Variants in MAU2 observed in about 807,000 individuals in gnomAD.
MAU2 encodes MAU2 sister chromatid cohesion factor.
In MAU2, 9 loss-of-function variants were observed where a neutral mutation model predicts 89.1. The ratio of observed to expected loss-of-function variants is 0.10; its 90% CI spans 0.06 to 0.18. MAU2 has a LOEUF of 0.18. Ranked by LOEUF, MAU2 falls within the 10% of genes least tolerant of loss-of-function variation. The probability of loss-of-function intolerance (pLI) is 1.00; values close to 1 mark genes in which losing one functional copy is unlikely to be tolerated. For missense variants in MAU2, 425 were observed against 803.5 expected (o/e 0.53, Z 5.69); for synonymous variants, 357 against 343.4 (o/e 1.04, Z -0.44).
chr19:19,338,572 C>G (rs1248976131), intron 4 of MAU2, among the ~76,000 whole-genome samples: 1 of 152,232 alleles, frequency 6.6e-6, no homozygotes, highest in Admixed American at 6.5e-5. Context: ...TGCCGTGAGC[C>G]TTGGCTGCTG....
Position 19,357,650 on chromosome 19 carries a change from A to C in MAU2, c.*1868A>C, listed in dbSNP as rs895101520. The C allele has an allele frequency of 1.3e-5, 2 of 152,308 alleles. No individual in the cohort carries two copies. The highest frequency in any genetic ancestry group is 4.8e-5 in the African/African-American group (2 of 41,368). 9.4% of individuals were successfully genotyped at this position (152,308 alleles called of 1,614,324 possible). A position where few individuals can be genotyped will look rare whatever the true frequency, so the allele number is the denominator to read the frequency against. ...GTTGAAAACAGAACCTCAGAACTTA[A>C]CATCTGTCCTGATGTTAAAGTGCTT... On this transcript the variant is annotated 3_prime_UTR_variant, in exon 19 of 19. Transcript: ENST00000262815.
rs2048199930 is a variant in MAU2 at position 19,358,100 on chromosome 19, TGGAA to T, written c.*2321_*2324del. The T allele has an allele frequency of 6.9e-6, 1 of 145,246 alleles. No homozygotes were observed. Among genetic ancestry groups the T allele is most frequent in the Admixed American group, 6.9e-5 (1 of 14,566 alleles). 9.0% of individuals were successfully genotyped at this position (145,246 alleles called of 1,614,324 possible). ...GTCTCAAAAAAAAAAAAAAAAACAATGGAAGGCAGACAGCAAGTCCCTGAGGACA... is the reference window on the plus strand; with the variant it reads ...GTCTCAAAAAAAAAAAAAAAAACAATGGCAGACAGCAAGTCCCTGAGGACA... On this transcript the variant is annotated 3_prime_UTR_variant, in exon 19 of 19. Coordinates refer to ENST00000262815, the MANE Select transcript of MAU2 (RefSeq NM_015329.4).
At chr19:19,334,087 A>G (rs2061577521) in intron 1 of MAU2, 1 of 828,612 alleles carries the variant, frequency 1.2e-6, no homozygotes, top group African/African-American at 1.8e-5. Flanking sequence ...CCGGCTTCTC[A>G]GTGGGATGCA....
At chr19:19,332,731 G>T (rs2061566010) in intron 1 of MAU2, among the ~76,000 whole-genome samples, 1 of 152,196 alleles carries the variant, frequency 6.6e-6, no homozygotes, top group African/African-American at 2.4e-5. Flanking sequence ...TGGACGGACG[G>T]AGCTGGCAGA....
rs938214211 is a variant in MAU2 at position 19,357,129 on chromosome 19, G to C, written c.*1347G>C. The C allele has an allele frequency of 2.6e-5, 4 of 152,318 alleles. No homozygotes were observed. Among genetic ancestry groups the C allele is most frequent in the Non-Finnish European group, 5.9e-5 (4 of 68,152 alleles). 9.4% of individuals were successfully genotyped at this position (152,318 alleles called of 1,614,324 possible). On this transcript the variant is annotated 3_prime_UTR_variant, in exon 19 of 19. Transcript: ENST00000262815. ...GCTGGATTGCTCAGGTCAGCTGCTT[G>C]GGGCTCCCAGGCTGGGTGTGCCTTA...
At chr19:19,347,163 A>C in intron 12 of MAU2, 117 bp from the exon 13 acceptor site, 1 of 692,940 alleles carries the variant, frequency 1.4e-6, no homozygotes, top group Non-Finnish European at 2.6e-6. Flanking sequence ...TGTGTTTGAA[A>C]TGAAAAGAAC....
At chr19:19,355,498 T>G in intron 18 of MAU2, 107 bp downstream of exon 18, 2 of 1,504,274 alleles carry the variant, frequency 1.3e-6, no homozygotes, top group Non-Finnish European at 1.8e-6. Context: ...AAACCCTAAC[T>G]CAGCCTCAGG....
chr19:19,352,941 G>A lies in MAU2; in HGVS notation c.1549-1414G>A, dbSNP rs548311946. The A allele has an allele frequency of 4.4e-3, 669 of 152,534 alleles. 1 individual carries two copies. The highest frequency in any genetic ancestry group is 6.8e-3 in the Middle Eastern group (2 of 294). 9.4% of individuals were successfully genotyped at this position (152,534 alleles called of 1,614,324 possible). On this transcript the variant is annotated intron_variant, in intron 16 of 18. Coordinates refer to ENST00000262815, the MANE Select transcript of MAU2 (RefSeq NM_015329.4). ...AAGCCAGTCCTGTGAGGTCAGGCTG[G>A]GGACATCCAGAAAGGTGGCAGCCTT...
At chr19:19,334,603 G>T in intron 1 of MAU2, 3 of 985,472 alleles carry the variant, frequency 3.0e-6, no homozygotes, top group Non-Finnish European at 3.6e-6. Context: ...ATCTGGGCAG[G>T]TGCTTTCATT....
chr19:19,338,699 T>A, intron 4 of MAU2, 146 bp from the exon 5 acceptor site: 1 of 609,568 alleles, frequency 1.6e-6, no homozygotes. Flanking sequence ...GTTGATAAGA[T>A]AATTTGGTTA....
intron 4 of MAU2, among the ~76,000 whole-genome samples, chr19:19,337,501 T>C (rs949427649): frequency 6.6e-6 from 1 of 152,164 alleles, no homozygotes; most frequent in African/African-American, 2.4e-5. Flanking sequence ...CAGGGGTGAG[T>C]GGTGGGAGTG....
In MAU2 at chr19:19,355,313, G is replaced by T; in HGVS notation, c.1689G>T (p.Gln563His). ...CCATGGATGCCCATGAAGCCGCCCA[G>T]ATGCACCAGAACTTCTCGCAGCAGC... Reference protein sequence around the residue: ...GNAMDAHEAAQMHQNFSQQLL... With the variant: ...GNAMDAHEAAHMHQNFSQQLL... The change falls in exon 18 of 19, where the codon CAG becomes CAT. Residue 563 changes from glutamine to histidine, a missense_variant. Around this residue, in one of 11 missense-constraint regions of MAU2, gnomAD observed 33 missense variants for 94.1 expected, o/e 0.35. Coordinates refer to ENST00000262815, the MANE Select transcript of MAU2 (RefSeq NM_015329.4). 1 of 1,614,136 alleles carries T rather than the reference G, an allele frequency of 6.2e-7. No homozygotes were observed. The highest frequency in any genetic ancestry group is 8.5e-7 in the Non-Finnish European group (1 of 1,180,000).
chr19:19,323,735 C>T (rs1290791611), intron 1 of MAU2, among the ~76,000 whole-genome samples: 1 of 152,160 alleles, frequency 6.6e-6, no homozygotes, highest in Non-Finnish European at 1.5e-5. Flanking sequence ...CCACCTGCCT[C>T]AGCCTCCCAA....
intron 8 of MAU2, 31 bp downstream of exon 8, chr19:19,342,712 T>TGGGGGC: frequency 6.2e-7 from 1 of 1,613,090 alleles, no homozygotes; most frequent in Non-Finnish European, 8.5e-7. Context: ...GGGCCAGGGC[T>TGGGGGC]GGGGGCGGGG....
At chr19:19,344,266 G>A in intron 10 of MAU2, 1 of 310,732 alleles carries the variant, frequency 3.2e-6, no homozygotes, top group South Asian at 3.1e-5. Context: ...ATAAAAATTA[G>A]CCAGGTGTGG....
chr19:19,323,725 C>T (rs1044757907), intron 1 of MAU2, among the ~76,000 whole-genome samples: 13 of 151,698 alleles, frequency 8.6e-5, no homozygotes, highest in African/African-American at 3.2e-4. Context: ...CTCAAGCCAT[C>T]CACCTGCCTC....
intron 10 of MAU2, 159 bp downstream of exon 10, chr19:19,344,099 GA>G: frequency 1.6e-6 from 1 of 623,732 alleles, no homozygotes; most frequent in Non-Finnish European, 2.9e-6. Flanking sequence ...GGGCACCACT[GA>G]TCAGAGAATC....
At chr19:19,332,563 G>T (rs577530569) in intron 1 of MAU2, among the ~76,000 whole-genome samples, 21 of 149,646 alleles carry the variant, frequency 1.4e-4, no homozygotes, top group African/African-American at 5.1e-4. Context: ...CTGGCTCCCA[G>T]TCAGCGCTCC....
intron 2 of MAU2, 40 bp downstream of exon 2, chr19:19,335,775 C>A (rs1157500137): frequency 6.2e-7 from 1 of 1,605,274 alleles, no homozygotes; most frequent in East Asian, 2.2e-5. Context: ...TTAAGGAATT[C>A]TCCACTTAAA....
Sources: allele counts gnomAD v4.1 joint callset (sites outside exome capture counted in the v4.1 genomes callset), GRCh38; gene constraint gnomAD v4.1.1; regional missense constraint gnomAD v4.1.1; transcripts MANE v1.5; gene names NCBI Gene and HGNC (gene_info 2026-07-23, HGNC 2026-07-21).